The following COX7B2 variants were observed in gnomAD, a reference collection of about 807,000 sequenced individuals.
COX7B2 encodes cytochrome c oxidase subunit 7B2, also known as cytochrome c oxidase subunit 7B2, mitochondrial.
For synonymous variants in COX7B2, 37 were observed against 32.1 expected (o/e 1.15, Z -0.51); for missense variants, 109 against 95.9 (o/e 1.14, Z -0.57).
chr4:46,751,960 A>C (rs58876957), intron 2 of COX7B2, among the ~76,000 whole-genome samples: 49,720 of 151,956 alleles, frequency 0.33, 8,391 homozygotes, highest in South Asian at 0.47. Context: ...TGAAAAAAGT[A>C]ATTCGTAGCT....
At chr4:46,855,146 G>A (rs1219257307) in intron 1 of COX7B2, among the ~76,000 whole-genome samples, 1 of 151,976 alleles carries the variant, frequency 6.6e-6, no homozygotes, top group African/African-American at 2.4e-5. Flanking sequence ...TGGCCAACAT[G>A]GTGAAAACCT....
chr4:46,782,704 C>T (rs938674558), intron 2 of COX7B2, among the ~76,000 whole-genome samples: 2 of 152,196 alleles, frequency 1.3e-5, no homozygotes, highest in African/African-American at 2.4e-5. Context: ...TTCAGCTTCA[C>T]TCCTGAAGCC....
intron 1 of COX7B2, among the ~76,000 whole-genome samples, chr4:46,907,159 T>G (rs1720440777): frequency 6.6e-6 from 1 of 152,156 alleles, no homozygotes; most frequent in Admixed American, 6.5e-5. Flanking sequence ...AAGTAACAAC[T>G]AAACTCTTAA....
At chr4:46,856,624 C>T (rs1158139553) in intron 1 of COX7B2, among the ~76,000 whole-genome samples, 4 of 152,090 alleles carry the variant, frequency 2.6e-5, no homozygotes, top group Non-Finnish European at 5.9e-5. Flanking sequence ...GCCCCTGCCC[C>T]AACCCCAAAT....
intron 2 of COX7B2, among the ~76,000 whole-genome samples, chr4:46,801,719 TAA>T (rs983705754): frequency 1.3e-5 from 2 of 152,028 alleles, no homozygotes; most frequent in African/African-American, 4.8e-5. Context: ...GAACCTAAAA[TAA>T]AAGTTGGAAG....
chr4:46,880,964 G>A, intron 1 of COX7B2, among the ~76,000 whole-genome samples: 1 of 132,852 alleles, frequency 7.5e-6, no homozygotes, highest in Admixed American at 8.9e-5. Context: ...TGCACAATGT[G>A]CACATGTACC....
intron 2 of COX7B2, among the ~76,000 whole-genome samples, chr4:46,818,636 CAA>C (rs35687430): frequency 1.6e-3 from 172 of 110,736 alleles, no homozygotes; most frequent in African/African-American, 4.9e-3. Flanking sequence ...GACTCTGTCT[CAA>C]AAAAAAAAAA....
intron 1 of COX7B2, among the ~76,000 whole-genome samples, chr4:46,849,566 G>C (rs1018834945): frequency 6.6e-6 from 1 of 152,034 alleles, no homozygotes; most frequent in Non-Finnish European, 1.5e-5. Context: ...CATGAAAATG[G>C]AAATAGAGAC....
At chr4:46,741,627 C>T (rs1322497084) in intron 2 of COX7B2, among the ~76,000 whole-genome samples, 4 of 152,170 alleles carry the variant, frequency 2.6e-5, no homozygotes, top group African/African-American at 7.2e-5. Flanking sequence ...TGCCCATCAA[C>T]ATTTTTCCTG....
intron 2 of COX7B2, among the ~76,000 whole-genome samples, chr4:46,803,728 CTTTCT>C (rs1002691161): frequency 1.0e-4 from 13 of 124,820 alleles, no homozygotes; most frequent in African/African-American, 2.7e-4. Flanking sequence ...GCCTGGTTTA[CTTTCT>C]TTTTTTTTTT....
intron 2 of COX7B2, among the ~76,000 whole-genome samples, chr4:46,787,804 A>G (rs1273687801): frequency 6.6e-6 from 1 of 152,170 alleles, no homozygotes; most frequent in East Asian, 1.9e-4. Context: ...GGCTCTACTT[A>G]CTTTGTGTGT....
At chr4:46,738,386 G>A (rs1013138317) in intron 2 of COX7B2, among the ~76,000 whole-genome samples, 8 of 151,974 alleles carry the variant, frequency 5.3e-5, no homozygotes, top group Admixed American at 4.6e-4. Flanking sequence ...GAACCAGTAA[G>A]TCTATTACTA....
At chr4:46,783,576 A>G (rs1034188471) in intron 2 of COX7B2, among the ~76,000 whole-genome samples, 5 of 152,222 alleles carry the variant, frequency 3.3e-5, no homozygotes, top group African/African-American at 1.2e-4. Flanking sequence ...GGGAATGACT[A>G]CATCTACAGA....
At chr4:46,798,184 C>A (rs558339698) in intron 2 of COX7B2, among the ~76,000 whole-genome samples, 1 of 152,270 alleles carries the variant, frequency 6.6e-6, no homozygotes, top group East Asian at 1.9e-4. Flanking sequence ...AGTGAAATTT[C>A]TAGGAGTCTA....
At chr4:46,837,018 ATAGTT>A (rs1484532191) in intron 2 of COX7B2, among the ~76,000 whole-genome samples, 1 of 152,114 alleles carries the variant, frequency 6.6e-6, no homozygotes, top group Non-Finnish European at 1.5e-5. Context: ...AGATTAGTCA[ATAGTT>A]TAATCCACTT....
intron 2 of COX7B2, among the ~76,000 whole-genome samples, chr4:46,834,499 G>A (rs1438570990): frequency 1.3e-5 from 2 of 151,982 alleles, no homozygotes; most frequent in African/African-American, 4.8e-5. Context: ...ACATGGCATA[G>A]CAAATTCACG....
intron 1 of COX7B2, among the ~76,000 whole-genome samples, chr4:46,894,947 G>C (rs1307884270): frequency 3.9e-5 from 6 of 152,182 alleles, no homozygotes. Flanking sequence ...TCTCACACCA[G>C]TCGGAATGGC....
intron 1 of COX7B2, among the ~76,000 whole-genome samples, chr4:46,906,878 T>C (rs1212672635): frequency 6.6e-6 from 1 of 152,212 alleles, no homozygotes; most frequent in African/African-American, 2.4e-5. Context: ...TTGAGCCTTG[T>C]CTTGCATCCT....
At chr4:46,838,028 AAACAGTAT>A (rs1297789406) in intron 2 of COX7B2, among the ~76,000 whole-genome samples, 6 of 152,048 alleles carry the variant, frequency 3.9e-5, no homozygotes, top group Admixed American at 3.3e-4. Flanking sequence ...TAAATCTAGA[AAACAGTAT>A]ACTCTAGAGT....
Sources: allele counts gnomAD v4.1 joint callset (sites outside exome capture counted in the v4.1 genomes callset), GRCh38; gene constraint gnomAD v4.1.1; transcripts MANE v1.5; gene names NCBI Gene and HGNC (gene_info 2026-07-23, HGNC 2026-07-21).